DPF3: variants seen among roughly 807,000 people sequenced by gnomAD.
The protein encoded by DPF3 is zinc finger protein DPF3.
A neutral mutation model predicts 56.8 loss-of-function variants in DPF3; 18 were observed. The observed-to-expected ratio is 0.32, with a 90% CI of 0.22 to 0.47. The LOEUF (loss-of-function observed/expected upper bound fraction) is 0.47, where lower values mean the gene tolerates loss of function less well. Ranked by LOEUF, DPF3 falls within the 20% of genes least tolerant of loss-of-function variation. The pLI is 1.00. For synonymous variants in DPF3, 188 were observed against 180.2 expected, an observed-to-expected ratio of 1.04 and a Z score of -0.35; for missense variants, 403 against 488.8, an observed-to-expected ratio of 0.82 and a Z score of 1.65.
chr14:72,675,661 G>A (rs1886878433), intron 7 of DPF3: 1 of 152,190 alleles, frequency 6.6e-6, no homozygotes, highest in Non-Finnish European at 1.5e-5. Flanking sequence ...AACCTACCTG[G>A]GGAAGGCGGA....
intron 7 of DPF3, among the ~76,000 whole-genome samples, chr14:72,685,593 A>G (rs888974829): frequency 1.3e-5 from 2 of 152,264 alleles, no homozygotes; most frequent in Admixed American, 6.5e-5. Context: ...ATGAATTCAC[A>G]TTCATCCTCC....
chr14:72,782,671 A>G (rs1160617560), intron 1 of DPF3, among the ~76,000 whole-genome samples: 2 of 152,148 alleles, frequency 1.3e-5, no homozygotes, highest in African/African-American at 4.8e-5. Flanking sequence ...CGTCTCTACT[A>G]AAAATACAAA....
intron 1 of DPF3, among the ~76,000 whole-genome samples, chr14:72,830,441 G>A (rs746989795): frequency 1.6e-4 from 25 of 152,354 alleles, no homozygotes; most frequent in Admixed American, 5.2e-4. Flanking sequence ...AAGAGACTCA[G>A]AGGTGAAGAA....
chr14:72,734,756 G>T (rs1026692176), intron 3 of DPF3, among the ~76,000 whole-genome samples: 1 of 152,108 alleles, frequency 6.6e-6, no homozygotes, highest in Non-Finnish European at 1.5e-5. Flanking sequence ...AGCAGGATGA[G>T]AATGCAGCTG....
intron 1 of DPF3, among the ~76,000 whole-genome samples, chr14:72,857,074 G>A (rs1436897383): frequency 6.6e-6 from 1 of 152,202 alleles, no homozygotes; most frequent in Non-Finnish European, 1.5e-5. Flanking sequence ...TGAATCAGCA[G>A]ACTAAAGGGG....
At chr14:72,874,238 G>A (rs1467426695) in intron 1 of DPF3, among the ~76,000 whole-genome samples, 1 of 151,554 alleles carries the variant, frequency 6.6e-6, no homozygotes, top group African/African-American at 2.4e-5. Flanking sequence ...CAGCACTTTG[G>A]GAGGCCAAGA....
intron 7 of DPF3, among the ~76,000 whole-genome samples, chr14:72,674,812 G>C (rs1886840943): frequency 6.6e-6 from 1 of 152,248 alleles, no homozygotes; most frequent in African/African-American, 2.4e-5. Flanking sequence ...CAGTGCTCTT[G>C]TTTAGGAGAT....
chr14:72,892,398 G>A, intron 1 of DPF3: 1 of 1,506,562 alleles, frequency 6.6e-7, no homozygotes, highest in South Asian at 1.3e-5. Flanking sequence ...CCGAGCTTCC[G>A]AGCCAGAACT....
rs1599391231 is a variant in DPF3 at position 72,730,939 on chromosome 14, C to T, written c.429+868G>A. ...ATCCCAGCACTCTGGGAGGCTGAGGCAGGCGATCACTTGAGGTCAGGAGTT... is the reference window on the plus strand; with the variant it reads ...ATCCCAGCACTCTGGGAGGCTGAGGTAGGCGATCACTTGAGGTCAGGAGTT... On this transcript the variant is annotated intron_variant, in intron 4 of 10. Transcript: ENST00000556509. Among the ~76,000 whole-genome samples the T allele has an allele frequency of 2.0e-5, 3 of 152,174 alleles. No homozygotes were observed. The South Asian group carries it at 6.2e-4, about 32-fold the overall frequency.
At chr14:72,689,540 C>T (rs917924004) in intron 7 of DPF3, among the ~76,000 whole-genome samples, 6 of 152,202 alleles carry the variant, frequency 3.9e-5, no homozygotes, top group East Asian at 1.9e-4. Flanking sequence ...CGAGCTGTCA[C>T]TTCCAATTCA....
At chr14:72,744,269 G>A (rs956714102) in intron 3 of DPF3, among the ~76,000 whole-genome samples, 1 of 152,138 alleles carries the variant, frequency 6.6e-6, no homozygotes, top group Non-Finnish European at 1.5e-5. Flanking sequence ...TGTCAGCCAA[G>A]ACCCAGCTCC....
intron 1 of DPF3, among the ~76,000 whole-genome samples, chr14:72,859,869 C>T (rs776463395): frequency 1.3e-5 from 2 of 151,812 alleles, no homozygotes; most frequent in African/African-American, 4.8e-5. Flanking sequence ...CACCTGGGAT[C>T]TTGTCCCAAA....
chr14:72,792,513 A>T (rs1317409192), intron 1 of DPF3, among the ~76,000 whole-genome samples: 1 of 152,144 alleles, frequency 6.6e-6, no homozygotes, highest in Non-Finnish European at 1.5e-5. Context: ...TTGCACACAC[A>T]CACCCCACAG....
intron 1 of DPF3, among the ~76,000 whole-genome samples, chr14:72,855,266 T>A (rs550208106): frequency 3.2e-4 from 48 of 152,338 alleles, no homozygotes; most frequent in African/African-American, 1.0e-3. Context: ...ATGGTTTATT[T>A]GCCATGACAA....
chr14:72,747,750 G>A (rs1372834519), intron 3 of DPF3, among the ~76,000 whole-genome samples: 1 of 152,134 alleles, frequency 6.6e-6, no homozygotes. Flanking sequence ...AATCATGGGG[G>A]AGGGTCTTTC....
At chr14:72,646,313 C>T (rs1268012018) in intron 8 of DPF3, among the ~76,000 whole-genome samples, 1 of 152,210 alleles carries the variant, frequency 6.6e-6, no homozygotes, top group African/African-American at 2.4e-5. Context: ...ATAAGGAAAC[C>T]AAAGTCCTGG....
chr14:72,651,763 T>C (rs1885915809), intron 8 of DPF3, among the ~76,000 whole-genome samples: 1 of 152,276 alleles, frequency 6.6e-6, no homozygotes, highest in Non-Finnish European at 1.5e-5. Flanking sequence ...GAGGGTCTTT[T>C]TTGCTCTCCT....
At chr14:72,631,039 A>G (rs540061790) in intron 8 of DPF3, among the ~76,000 whole-genome samples, 1 of 152,274 alleles carries the variant, frequency 6.6e-6, no homozygotes, top group African/African-American at 2.4e-5. Context: ...TCACATCATG[A>G]CCATTTGGAT....
intron 6 of DPF3, among the ~76,000 whole-genome samples, chr14:72,708,844 A>G (rs1037721919): frequency 6.6e-6 from 1 of 152,144 alleles, no homozygotes; most frequent in Non-Finnish European, 1.5e-5. Context: ...TTGCCTCCCT[A>G]GTAAAGAGCA....
Sources: gnomAD v4.1 joint callset for allele counts (sites outside exome capture counted in the v4.1 genomes callset) on GRCh38, gnomAD v4.1.1 for gene constraint, MANE v1.5 for transcripts, NCBI Gene and HGNC (gene_info 2026-07-23, HGNC 2026-07-21) for gene names.